The following JAKMIP1 variants were observed in gnomAD, a reference collection of about 807,000 sequenced individuals.
The protein encoded by JAKMIP1 is janus kinase and microtubule-interacting protein 1.
A neutral mutation model predicts 113.0 loss-of-function variants in JAKMIP1; 33 were observed. The ratio of observed to expected loss-of-function variants is 0.29; its 90% CI spans 0.22 to 0.39. JAKMIP1 has a LOEUF of 0.39. Ranked by LOEUF, JAKMIP1 falls within the 10% of genes least tolerant of loss-of-function variation. JAKMIP1 has a pLI of 1.00. For missense variants in JAKMIP1, 813 were observed against 1,080.5 expected (o/e 0.75, Z 3.47); for synonymous variants, 480 against 459.9 (o/e 1.04, Z -0.56).
In JAKMIP1 at chr4:6,064,763, G is replaced by C. The variant is rs912762918; in HGVS notation, c.1431+117C>G. ...TTTGATAATGCACTGGTAGGAACTG[G>C]TCATCTGGGGTTCAGAACTATAGGC... On this transcript the variant is annotated intron_variant, in intron 9 of 20. Transcript: ENST00000409021. This position sits in a 1 kb window ranked among gnomAD's most constrained non-coding sequence, Gnocchi z 4.3. The C allele has an allele frequency of 7.5e-7, 1 of 1,329,238 alleles. No individual in the cohort carries two copies. Among genetic ancestry groups the C allele is most frequent in the Middle Eastern group, 2.7e-4 (1 of 3,770 alleles). 82.3% of individuals were successfully genotyped at this position (1,329,238 alleles called of 1,614,324 possible).
At chr4:6,170,236 C>T in intron 1 of JAKMIP1, among the ~76,000 whole-genome samples, 1 of 150,204 alleles carries the variant, frequency 6.7e-6, no homozygotes, top group African/African-American at 2.5e-5. Context: ...TCTCCACCAT[C>T]ACCACCACTC....
chr4:6,027,867 G>A (rs1712067833), intron 20 of JAKMIP1, among the ~76,000 whole-genome samples: 1 of 152,294 alleles, frequency 6.6e-6, no homozygotes, highest in Middle Eastern at 3.4e-3. Context: ...CATGTTTTAA[G>A]CCTTTCTTTT....
chr4:6,067,749 C>CACA lies in JAKMIP1; in HGVS notation c.1303-2742_1303-2741insTGT, dbSNP rs1718365938. Among the ~76,000 whole-genome samples, 1 of 148,208 alleles carries CACA rather than the reference C, an allele frequency of 6.7e-6. No homozygotes were observed. The highest frequency in any genetic ancestry group is 2.5e-5 in the African/African-American group (1 of 39,320). The stretch of plus-strand genomic sequence containing the variant: ...ACGTTCACTCAAGCTCTTCTGCACA[C>CACA]GCAGGTCACCCCCCTGAGCTCCACG... On this transcript the variant is annotated intron_variant, in intron 8 of 20. Transcript: ENST00000409021. The surrounding 1 kb of genome is among the most constrained non-coding windows in gnomAD (Gnocchi z 4.6).
In JAKMIP1 at chr4:6,088,581, A is replaced by C. The variant is rs1427476126; in HGVS notation, c.625-2952T>G. 6.6e-6 allele frequency among the ~76,000 whole-genome samples: 1 copy of C among 152,232 alleles called. No individual in the cohort carries two copies. Among genetic ancestry groups the C allele is most frequent in the Non-Finnish European group, 1.5e-5 (1 of 68,038 alleles). On this transcript the variant is annotated intron_variant, in intron 3 of 20. Transcript: ENST00000409021. This position sits in a 1 kb window ranked among gnomAD's most constrained non-coding sequence, Gnocchi z 5.5. ...AGAAAGTTTCCTAGAAAATATTCTC[A>C]AACAGCAGAGATGGCATCTAGAAAC... is the stretch of plus-strand genomic sequence containing the variant.
At chr4:6,085,735 G>T (rs139918141) in intron 3 of JAKMIP1, 106 bp from the exon 4 acceptor site, 97 of 987,862 alleles carry the variant, frequency 9.8e-5, no homozygotes, top group Middle Eastern at 7.8e-4. Context: ...GCAGTGTCTC[G>T]GGCCTGGGTC....
At position 6,116,692 on chromosome 4, in the gene JAKMIP1, A is replaced by G. The variant is rs1196423428; in HGVS notation, c.-147-3695T>C. ...GCCTTGGCAGTGCCGGTGCCCTTTAACTGCCTACAGGAAATTAATATACCG... is the reference window on the plus strand; with the variant it reads ...GCCTTGGCAGTGCCGGTGCCCTTTAGCTGCCTACAGGAAATTAATATACCG... On this transcript the variant is annotated intron_variant, in intron 1 of 20. Coordinates refer to ENST00000409021, the MANE Select transcript of JAKMIP1 (RefSeq NM_001099433.2). This position sits in a 1 kb window ranked among gnomAD's most constrained non-coding sequence, Gnocchi z 5.1. Among the ~76,000 whole-genome samples the G allele has an allele frequency of 6.8e-6, 1 of 147,194 alleles. No homozygotes were observed. Among genetic ancestry groups the G allele is most frequent in the African/African-American group, 2.7e-5 (1 of 37,660 alleles).
rs1455932424 is a variant in JAKMIP1, at chr4:6,086,190, AG to A, written c.625-562del. Among the ~76,000 whole-genome samples, 1 of 151,984 alleles carries A rather than the reference AG, an allele frequency of 6.6e-6. No homozygotes were observed. Among genetic ancestry groups the A allele is most frequent in the Non-Finnish European group, 1.5e-5 (1 of 67,982 alleles). On this transcript the variant is annotated intron_variant, in intron 3 of 20. Coordinates refer to ENST00000409021, the MANE Select transcript of JAKMIP1 (RefSeq NM_001099433.2). The surrounding 1 kb of genome is among the most constrained non-coding windows in gnomAD (Gnocchi z 4.1). The stretch of plus-strand genomic sequence containing the variant: ...CACGACCTCCTGCTCCCTCTCCCCA[AG>A]GCCACTTCCCATGGTTTCTATCTTC...
rs1719979361 is a variant in JAKMIP1 at position 6,140,515 on chromosome 4, A to G, written c.-147-27518T>C. On this transcript the variant is annotated intron_variant, in intron 1 of 20. Transcript: ENST00000409021. The surrounding 1 kb of genome is among the most constrained non-coding windows in gnomAD (Gnocchi z 9.4). ...CCCGATCAGCTTAAGGCCCCTTCCAATAATGTGGCTCGGGTCTTTCTGCAG... is the reference window on the plus strand; with the variant it reads ...CCCGATCAGCTTAAGGCCCCTTCCAGTAATGTGGCTCGGGTCTTTCTGCAG... 6.6e-6 allele frequency among the ~76,000 whole-genome samples: 1 copy of G among 152,000 alleles called. No homozygotes were observed. Among genetic ancestry groups the G allele is most frequent in the South Asian group, 2.1e-4 (1 of 4,830 alleles).
chr4:6,110,909 C>T (rs1714827794), intron 2 of JAKMIP1, among the ~76,000 whole-genome samples: 1 of 151,894 alleles, frequency 6.6e-6, no homozygotes, highest in African/African-American at 2.4e-5. Context: ...CAGCCCCAGC[C>T]CCAGCCCCGG....
At chr4:6,124,804 C>T (rs977193746) in intron 1 of JAKMIP1, among the ~76,000 whole-genome samples, 2 of 152,244 alleles carry the variant, frequency 1.3e-5, no homozygotes, top group African/African-American at 4.8e-5. Flanking sequence ...CAGTACTTGG[C>T]TTGGGCCACA....
Position 6,105,638 on chromosome 4 carries a change from C to T in JAKMIP1, c.459G>A (p.Gln153=). The change falls in exon 3 of 21, where the codon CAG becomes CAA. Residue 153 remains glutamine, a synonymous_variant. Transcript: ENST00000409021. ...GCGCTGCCTTGAGCTCCAGGATCTC[C>T]TGCTGCAGCCGCAGGCGCTCTCCAT... ...AFDGERLRLQ[Q]EILELKAARK... 1 of 1,594,628 alleles carries T rather than the reference C, an allele frequency of 6.3e-7. No homozygotes were observed. The highest frequency in any genetic ancestry group is 8.5e-7 in the Non-Finnish European group (1 of 1,171,398).
In JAKMIP1 at chr4:6,135,926, A is replaced by T. The variant is rs977644637; in HGVS notation, c.-147-22929T>A. On this transcript the variant is annotated intron_variant, in intron 1 of 20. Transcript: ENST00000409021. This position sits in a 1 kb window ranked among gnomAD's most constrained non-coding sequence, Gnocchi z 4.9. ...GGAGAGGTGGGGGGGGACAGCAAAA[A>T]TAAGGAGTGAATGAAGTGTCCCTTC... is the stretch of plus-strand genomic sequence containing the variant. Among the ~76,000 whole-genome samples, 1 of 152,086 alleles carries T rather than the reference A, an allele frequency of 6.6e-6. No individual in the cohort carries two copies. The highest frequency in any genetic ancestry group is 2.4e-5 in the African/African-American group (1 of 41,398).
chr4:6,195,059 G>A (rs892590911), intron 1 of JAKMIP1, among the ~76,000 whole-genome samples: 2 of 152,356 alleles, frequency 1.3e-5, no homozygotes, highest in East Asian at 1.9e-4. Context: ...CGAGGGATGT[G>A]CAGGGACCAG....
At chr4:6,052,476 T>C (rs1044773635) in intron 13 of JAKMIP1, among the ~76,000 whole-genome samples, 2 of 151,716 alleles carry the variant, frequency 1.3e-5, no homozygotes, top group Non-Finnish European at 2.9e-5. Context: ...GCGAAACCTG[T>C]GTCTACTAAA....
chr4:6,080,210 C>T lies in JAKMIP1; in HGVS notation c.1204G>A (p.Val402Met). The change falls in exon 7 of 21, where the codon GTG becomes ATG. Residue 402 changes from valine to methionine, a missense_variant. Val to Met is a conservative substitution (Grantham distance 21). This residue lies in a region of JAKMIP1 where 540 missense variants were observed against 653.9 expected (regional missense o/e 0.83). Coordinates refer to ENST00000409021, the MANE Select transcript of JAKMIP1 (RefSeq NM_001099433.2). The surrounding 1 kb of genome is among the most constrained non-coding windows in gnomAD (Gnocchi z 6.0). ...TCAATGACGTGCTGCTGCTCCAGCA[C>T]CTGCAGCCTCAGGAACTCGATCTCC... ...EQEIEFLRLQ[V>M]LEQQHVIDDL... is the part of the protein sequence containing the mutation. 1 of 1,613,942 alleles carries T rather than the reference C, an allele frequency of 6.2e-7. No individual in the cohort carries two copies. Among genetic ancestry groups the T allele is most frequent in the Non-Finnish European group, 8.5e-7 (1 of 1,179,940 alleles).
chr4:6,094,764 C>G lies in JAKMIP1; in HGVS notation c.625-9135G>C, dbSNP rs79716058. On this transcript the variant is annotated intron_variant, in intron 3 of 20. Coordinates refer to ENST00000409021, the MANE Select transcript of JAKMIP1 (RefSeq NM_001099433.2). The surrounding 1 kb of genome is among the most constrained non-coding windows in gnomAD (Gnocchi z 4.2). ...ATCCCAGCACTTTGGGAGGCAGAGG[C>G]AGGACATTTGCTTTAGCTCAGGAGT... Among the ~76,000 whole-genome samples, 3,575 of 152,248 alleles carry G rather than the reference C, an allele frequency of 0.023. 140 individuals are homozygous for G. Among genetic ancestry groups the G allele is most frequent in the African/African-American group, 0.079 (3,298 of 41,544 alleles).
chr4:6,134,176 T>G (rs899786973), intron 1 of JAKMIP1, among the ~76,000 whole-genome samples: 17 of 152,140 alleles, frequency 1.1e-4, no homozygotes, highest in Non-Finnish European at 1.5e-4. Context: ...GTTTGACAGT[T>G]CCTCCTTCAC....
At chr4:6,146,634 CAATGTG>C (rs1395785904) in intron 1 of JAKMIP1, among the ~76,000 whole-genome samples, 8 of 152,268 alleles carry the variant, frequency 5.3e-5, no homozygotes, top group Non-Finnish European at 8.8e-5. Flanking sequence ...GGTTGCATGA[CAATGTG>C]AATGTACTTA....
Position 6,139,938 on chromosome 4 carries a change from C to A in JAKMIP1, c.-147-26941G>T, listed in dbSNP as rs34661535. ...AAAGCACAGGAAGCCAGGGGAGAGG[C>A]CTGGGGCAGAGTCCCCTCGCAGCCT... On this transcript the variant is annotated intron_variant, in intron 1 of 20. Coordinates refer to ENST00000409021, the MANE Select transcript of JAKMIP1 (RefSeq NM_001099433.2). The surrounding 1 kb of genome is among the most constrained non-coding windows in gnomAD (Gnocchi z 5.2). Among the ~76,000 whole-genome samples the A allele has an allele frequency of 0.14, 21,125 of 152,054 alleles. 1,661 individuals carry two copies. The highest frequency in any genetic ancestry group is 0.26 in the Middle Eastern group (77 of 294).
Sources: allele counts gnomAD v4.1 joint callset (sites outside exome capture counted in the v4.1 genomes callset), GRCh38; gene constraint gnomAD v4.1.1; regional missense constraint gnomAD v4.1.1; non-coding constraint Gnocchi (gnomAD v3.1); transcripts MANE v1.5; gene names NCBI Gene and HGNC (gene_info 2026-07-23, HGNC 2026-07-21).